Variants in IFIT2 observed in about 807,000 individuals in gnomAD.
The protein encoded by IFIT2 is interferon induced protein with tetratricopeptide repeats 2.
IFIT2 carries 3 observed loss-of-function variants against 2.5 expected under a neutral mutation model. That is an observed-to-expected ratio of 1.21 (90% CI 0.55 to 3.14). The LOEUF (loss-of-function observed/expected upper bound fraction) is 3.14, where lower values mean the gene tolerates loss of function less well. Among genes scored for constraint, IFIT2 ranks in the 30% most tolerant of loss-of-function variants. The probability of loss-of-function intolerance (pLI) is 0.03; values close to 1 mark genes in which losing one functional copy is unlikely to be tolerated. For missense variants in IFIT2, 493 were observed against 558.9 expected (o/e 0.88, Z 1.19); for synonymous variants, 212 against 200.7 (o/e 1.06, Z -0.48).
Position 89,307,600 on chromosome 10 carries a change from G to C in IFIT2, c.*225G>C, listed in dbSNP as rs962499999. The C allele has an allele frequency of 3.5e-5, 15 of 431,600 alleles. No individual in the cohort carries two copies. The highest frequency in any genetic ancestry group is 2.9e-4 in the African/African-American group (15 of 51,438). 26.7% of individuals were successfully genotyped at this position (431,600 alleles called of 1,614,324 possible). On this transcript the variant is annotated 3_prime_UTR_variant, in exon 2 of 2. Transcript: ENST00000371826. ...ATTGGGGGGTAGGTCCACGGGCTTG[G>C]TGATAGAATTATTTCTCGATTGACT...
chr10:89,302,332 A>G (rs1308225440), intron 1 of IFIT2, among the ~76,000 whole-genome samples: 1 of 152,108 alleles, frequency 6.6e-6, no homozygotes, highest in Non-Finnish European at 1.5e-5. Flanking sequence ...TCACACTGGC[A>G]AGCTTCCTAA....
Position 89,307,611 on chromosome 10 carries a change from A to G in IFIT2, c.*236A>G. ...GGTCCACGGGCTTGGTGATAGAATT[A>G]TTTCTCGATTGACTTCTTGAGTGCA... On this transcript the variant is annotated 3_prime_UTR_variant, in exon 2 of 2. Transcript: ENST00000371826. 1 of 405,250 alleles carries G rather than the reference A, an allele frequency of 2.5e-6. No homozygotes were observed. Among genetic ancestry groups the G allele is most frequent in the Non-Finnish European group, 4.4e-6 (1 of 224,930 alleles). 25.1% of individuals were successfully genotyped at this position (405,250 alleles called of 1,614,324 possible).
intron 1 of IFIT2, among the ~76,000 whole-genome samples, chr10:89,303,931 A>C (rs770874368): frequency 7.2e-5 from 11 of 152,172 alleles, no homozygotes; most frequent in Admixed American, 1.3e-4. Flanking sequence ...TAATGAATGC[A>C]GTAGAGAGTG....
intron 1 of IFIT2, among the ~76,000 whole-genome samples, chr10:89,304,270 G>A (rs1278231211): frequency 7.0e-6 from 1 of 142,138 alleles, no homozygotes; most frequent in African/African-American, 2.9e-5. Flanking sequence ...CCCAGGTGCG[G>A]GAGCCCCGGA....
At chr10:89,304,489 A>T (rs949499012) in intron 1 of IFIT2, among the ~76,000 whole-genome samples, 4 of 152,212 alleles carry the variant, frequency 2.6e-5, no homozygotes, top group Admixed American at 1.3e-4. Context: ...CATATGTTTC[A>T]TAAGTGATCC....
Position 89,307,009 on chromosome 10 carries a change from A to G in IFIT2, c.1053A>G (p.Glu351=), listed in dbSNP as rs1344669587. The G allele has an allele frequency of 5.0e-6, 8 of 1,613,914 alleles. No homozygotes were observed. In the African/African-American group the frequency reaches 1.1e-4, roughly 22 times the overall value. The part of the protein sequence containing the change: ...ASLHALADQY[E]DAEYYFQKEF... ...TCCATGCTCTAGCAGATCAGTATGAAGACGCAGAGTATTACTTCCAAAAGG... is the reference window on the plus strand; with the variant it reads ...TCCATGCTCTAGCAGATCAGTATGAGGACGCAGAGTATTACTTCCAAAAGG... Residue 351 remains glutamate (E), a synonymous_variant, in exon 2 of 2, where the codon GAA becomes GAG. Transcript: ENST00000371826.
rs756283221 is a variant in IFIT2 at position 89,307,007 on chromosome 10, G to A, written c.1051G>A (p.Glu351Lys). 1.2e-6 allele frequency: 2 copies of A among 1,613,968 alleles called. No individual in the cohort carries two copies. Among genetic ancestry groups the A allele is most frequent in the South Asian group, 2.2e-5 (2 of 91,078 alleles). Residue 351 changes from glutamate to lysine, a missense_variant, in exon 2 of 2, where the codon GAA (glutamate) becomes AAA (lysine). Coordinates refer to ENST00000371826, the MANE Select transcript of IFIT2 (RefSeq NM_001547.5). ...ASLHALADQY[E>K]DAEYYFQKEF... is the part of the protein sequence containing the mutation. ...CCTCCATGCTCTAGCAGATCAGTAT[G>A]AAGACGCAGAGTATTACTTCCAAAA...
intron 1 of IFIT2, among the ~76,000 whole-genome samples, chr10:89,304,433 A>G (rs1440950458): frequency 1.3e-5 from 2 of 152,136 alleles, no homozygotes; most frequent in African/African-American, 4.8e-5. Flanking sequence ...AAAGTGGGAG[A>G]GAGAGGGGCA....
chr10:89,303,951 T>C (rs1004054475), intron 1 of IFIT2, among the ~76,000 whole-genome samples: 2 of 152,150 alleles, frequency 1.3e-5, no homozygotes, highest in Admixed American at 1.3e-4. Context: ...GTGACTGAGA[T>C]GCACATGGAG....
Position 89,307,387 on chromosome 10 carries a change from G to A in IFIT2, c.*12G>A, listed in dbSNP as rs1384226976. On this transcript the variant is annotated 3_prime_UTR_variant, in exon 2 of 2. Transcript: ENST00000371826. ...GGAATGGGGAATGAAGAATAGAGAT[G>A]TGGTGCCCACTAGGCTACTGCTGAA... 6.3e-6 allele frequency: 10 copies of A among 1,578,694 alleles called. No individual in the cohort carries two copies. Among genetic ancestry groups the A allele is most frequent in the Non-Finnish European group, 8.6e-6 (10 of 1,158,088 alleles).
In IFIT2 at chr10:89,306,163, A is replaced by C. The variant is rs1474650037; in HGVS notation, c.207A>C (p.Ala69=). The C allele has an allele frequency of 2.5e-6, 4 of 1,614,168 alleles. No individual in the cohort carries two copies. The highest frequency in any genetic ancestry group is 2.2e-5 in the South Asian group (2 of 91,086). The change falls in exon 2 of 2, where the codon GCA becomes GCC. Residue 69 remains alanine, a synonymous_variant. Coordinates refer to ENST00000371826, the MANE Select transcript of IFIT2 (RefSeq NM_001547.5). ...AGCACCTCAAAGGGCAAAACGAGGC[A>C]GCCCTGGAATGCTTACGTAAAGCTG... ...YLKHLKGQNE[A]ALECLRKAEE...
At chr10:89,303,257 G>A (rs1401035861) in intron 1 of IFIT2, among the ~76,000 whole-genome samples, 1 of 152,148 alleles carries the variant, frequency 6.6e-6, no homozygotes, top group African/African-American at 2.4e-5. Flanking sequence ...AAATTGCCTG[G>A]ACAGCTTATT....
In IFIT2 at chr10:89,306,824, T is replaced by G; in HGVS notation, c.868T>G (p.Cys290Gly). The change falls in exon 2 of 2, where the codon TGC becomes GGC. Residue 290 changes from cysteine (C) to glycine (G), a missense_variant. Transcript: ENST00000371826. ...CTACCTGCATTGCCAAATTGGGTGC[T>G]GCTATAGGGCAAAAGTCTTCCAAGT... ...NAYLHCQIGC[C>G]YRAKVFQVMN... 1 of 1,614,136 alleles carries G rather than the reference T, an allele frequency of 6.2e-7. No homozygotes were observed. The highest frequency in any genetic ancestry group is 8.5e-7 in the Non-Finnish European group (1 of 1,179,980).
chr10:89,306,285 T>TC lies in IFIT2; in HGVS notation c.330dup (p.Ser111LeufsTer15), dbSNP rs780442192. On this transcript the variant is annotated frameshift_variant, in exon 2 of 2. Coordinates refer to ENST00000371826, the MANE Select transcript of IFIT2 (RefSeq NM_001547.5). LOFTEE classifies it low-confidence loss of function (END_TRUNC). The stretch of plus-strand genomic sequence containing the variant: ...TGGGTCTACTATCACATGGGCCGAC[T>TC]CTCAGACGTTCAGATTTATGTAGAC... The TC allele has an allele frequency of 6.2e-7, 1 of 1,614,140 alleles. No individual in the cohort carries two copies. Among genetic ancestry groups the TC allele is most frequent in the Non-Finnish European group, 8.5e-7 (1 of 1,180,006 alleles).
Position 89,302,129 on chromosome 10 carries a change from G to T in IFIT2, c.5+1G>T. ...CTGAGAATTGCACTGCAACCATGAGGTAAATATTTTCCCTTCGTATTCGGT... is the reference window on the plus strand; with the variant it reads ...CTGAGAATTGCACTGCAACCATGAGTTAAATATTTTCCCTTCGTATTCGGT... On this transcript the variant is annotated splice_donor_variant, in intron 1 of 1. Transcript: ENST00000371826. LOFTEE classifies it high-confidence loss of function. The T allele has an allele frequency of 6.2e-7, 1 of 1,613,746 alleles. No homozygotes were observed. Among genetic ancestry groups the T allele is most frequent in the East Asian group, 2.2e-5 (1 of 44,890 alleles).
chr10:89,305,998 G>A lies in IFIT2; in HGVS notation c.42G>A (p.Arg14=). The A allele has an allele frequency of 1.2e-6, 2 of 1,613,806 alleles. No individual in the cohort carries two copies. Among genetic ancestry groups the A allele is most frequent in the East Asian group, 2.2e-5 (1 of 44,880 alleles). The change falls in exon 2 of 2, where the codon CGG becomes CGA. Residue 14 remains arginine (R), a synonymous_variant. Coordinates refer to ENST00000371826, the MANE Select transcript of IFIT2 (RefSeq NM_001547.5). ...NNKNSLESSL[R]QLKCHFTWNL... is the part of the protein sequence containing the mutation. ...AGAATTCCTTGGAGAGCAGCCTACG[G>A]CAACTAAAATGCCATTTCACCTGGA...
chr10:89,302,163 T>TC, intron 1 of IFIT2, 35 bp downstream of exon 1: 1 of 1,611,258 alleles, frequency 6.2e-7, no homozygotes. Flanking sequence ...GTAGTGCTGT[T>TC]GAGTCATCTT....
Position 89,306,742 on chromosome 10 carries a change from G to A in IFIT2, c.786G>A (p.Glu262=), listed in dbSNP as rs758874731. 1.2e-6 allele frequency: 2 copies of A among 1,613,972 alleles called. No individual in the cohort carries two copies. The highest frequency in any genetic ancestry group is 1.7e-5 in the Admixed American group (1 of 59,994). ...SAAKFYRRKD[E]PDKAIELLKK... is the part of the protein sequence containing the mutation. Reference sequence around the variant, plus strand: ...CCAAGTTTTATCGAAGAAAAGATGAGCCAGACAAAGCGATTGAACTGCTTA... The same window carrying A: ...CCAAGTTTTATCGAAGAAAAGATGAACCAGACAAAGCGATTGAACTGCTTA... Residue 262 remains glutamate, a synonymous_variant, in exon 2 of 2, where the codon GAG becomes GAA. Coordinates refer to ENST00000371826, the MANE Select transcript of IFIT2 (RefSeq NM_001547.5).
At position 89,306,959 on chromosome 10, in the gene IFIT2, C is replaced by A. The variant is rs368019671; in HGVS notation, c.1003C>A (p.Arg335Ser). Residue 335 changes from arginine to serine, a missense_variant, in exon 2 of 2, where the codon CGT (arginine) becomes AGT (serine). Arg to Ser is a moderately radical substitution (Grantham distance 110). Coordinates refer to ENST00000371826, the MANE Select transcript of IFIT2 (RefSeq NM_001547.5). ...KADEANDNLF[R>S]VCSILASLHA... ...TGATGAGGCCAATGATAATCTCTTC[C>A]GTGTCTGTTCCATTCTTGCCAGCCT... is the stretch of plus-strand genomic sequence containing the variant. 5.6e-6 allele frequency: 9 copies of A among 1,614,004 alleles called. No homozygotes were observed. Among genetic ancestry groups the A allele is most frequent in the Non-Finnish European group, 7.6e-6 (9 of 1,179,962 alleles).
Sources: allele counts gnomAD v4.1 joint callset (sites outside exome capture counted in the v4.1 genomes callset), GRCh38; gene constraint gnomAD v4.1.1; transcripts MANE v1.5; gene names NCBI Gene and HGNC (gene_info 2026-07-23, HGNC 2026-07-21).